Variants in AHI1 observed in about 807,000 individuals in gnomAD.
The protein encoded by AHI1 is Abelson helper integration site 1.
A neutral mutation model predicts 149.3 loss-of-function variants in AHI1; 123 were observed. That is an observed-to-expected ratio of 0.82 (90% confidence interval 0.71 to 0.96). The LOEUF (loss-of-function observed/expected upper bound fraction) is 0.96, where lower values mean the gene tolerates loss of function less well. Ranked by LOEUF, AHI1 falls within the 40% of genes least tolerant of loss-of-function variation. AHI1 has a pLI of 0.00. For synonymous variants in AHI1, 475 were observed against 459.8 expected, an observed-to-expected ratio of 1.03 and a Z score of -0.42; for missense variants, 1,439 against 1,422.7, an observed-to-expected ratio of 1.01 and a Z score of -0.18.
chr6:135,381,502 G>A (rs1302245868), intron 23 of AHI1, among the ~76,000 whole-genome samples: 1 of 152,110 alleles, frequency 6.6e-6, no homozygotes, highest in Non-Finnish European at 1.5e-5. Flanking sequence ...CAGATTTGAA[G>A]AAAGCATACT....
At chr6:135,494,948 T>C (rs1007416963) in intron 3 of AHI1, among the ~76,000 whole-genome samples, 1 of 152,176 alleles carries the variant, frequency 6.6e-6, no homozygotes, top group Admixed American at 6.5e-5. Flanking sequence ...AAGTCACGTG[T>C]GTCAAAGCTG....
intron 13 of AHI1, among the ~76,000 whole-genome samples, chr6:135,444,295 A>T (rs968219581): frequency 6.6e-6 from 1 of 151,962 alleles, no homozygotes; most frequent in Non-Finnish European, 1.5e-5. Flanking sequence ...TATTTTTCTC[A>T]CTCACCCGAA....
At chr6:135,334,264 T>C (rs1007257269) in intron 24 of AHI1, among the ~76,000 whole-genome samples, 6 of 152,174 alleles carry the variant, frequency 3.9e-5, no homozygotes, top group Non-Finnish European at 7.4e-5. Context: ...GATGGGGCCT[T>C]TGGGAGGTGA....
intron 23 of AHI1, among the ~76,000 whole-genome samples, chr6:135,363,613 C>T (rs1199453330): frequency 6.6e-6 from 1 of 151,938 alleles, no homozygotes; most frequent in East Asian, 1.9e-4. Flanking sequence ...CCTCACTTCC[C>T]AGTAGGGGCG....
At chr6:135,368,194 G>A (rs1295419624) in intron 23 of AHI1, among the ~76,000 whole-genome samples, 2 of 152,274 alleles carry the variant, frequency 1.3e-5, no homozygotes, top group South Asian at 2.1e-4. Flanking sequence ...GATGTGATCC[G>A]TCTTCAGGTC....
Position 135,480,918 on chromosome 6 carries a change from T to A in AHI1, c.135+9705A>T, listed in dbSNP as rs148917269. ...CAAGAGACCTAGGTTGCACGTTCCT[T>A]ATGAGAATCTAACTAATACCTGATG... On this transcript the variant is annotated intron_variant, in intron 5 of 28. Coordinates refer to ENST00000265602, the MANE Select transcript of AHI1 (RefSeq NM_001134831.2). 1.8e-3 allele frequency among the ~76,000 whole-genome samples: 272 copies of A among 152,302 alleles called. 1 individual carries two copies. The highest frequency in any genetic ancestry group is 6.2e-3 in the African/African-American group (257 of 41,558).
intron 14 of AHI1, among the ~76,000 whole-genome samples, chr6:135,439,460 G>A (rs978514855): frequency 1.3e-5 from 2 of 152,082 alleles, no homozygotes; most frequent in Non-Finnish European, 2.9e-5. Context: ...TTTACTTAAC[G>A]GTCACAAGGT....
intron 27 of AHI1, among the ~76,000 whole-genome samples, chr6:135,294,698 C>CA (rs56734547): frequency 0.04 from 2,740 of 67,926 alleles, 54 homozygotes; most frequent in African/African-American, 0.048. Context: ...TCTCCAAATG[C>CA]AAAAAAAAAA....
chr6:135,296,358 T>C (rs911176719), intron 27 of AHI1, among the ~76,000 whole-genome samples: 18 of 152,322 alleles, frequency 1.2e-4, no homozygotes, highest in African/African-American at 4.3e-4. Flanking sequence ...TTATCTTAAA[T>C]GTCAGAGGGA....
intron 21 of AHI1, among the ~76,000 whole-genome samples, chr6:135,405,285 G>A (rs1021255753): frequency 2.6e-4 from 40 of 152,230 alleles, no homozygotes; most frequent in African/African-American, 9.1e-4. Context: ...ACTAACAGGT[G>A]TAAAAGACAC....
At chr6:135,380,230 G>A (rs779933522) in intron 23 of AHI1, among the ~76,000 whole-genome samples, 1 of 151,636 alleles carries the variant, frequency 6.6e-6, no homozygotes, top group South Asian at 2.1e-4. Context: ...CTGCATCCAC[G>A]CATTCAACCA....
rs3071751 is a variant in AHI1 at position 135,324,551 on chromosome 6, C to CATATATATAT, written c.3166-1237_3166-1228dup. ...AAAATTACATATATAGTTATATATA[C>CATATATATAT]ATATATATATATATATATATATTTA... On this transcript the variant is annotated intron_variant, in intron 24 of 28. Transcript: ENST00000265602. Among the ~76,000 whole-genome samples, 803 of 144,770 alleles carry CATATATATAT rather than the reference C, an allele frequency of 5.5e-3. 5 individuals carry two copies. The highest frequency in any genetic ancestry group is 0.013 in the African/African-American group (499 of 39,572). The allele number at this position is 144,770 out of a possible 152,430, so 95.0% of individuals were successfully genotyped here. A position where few individuals can be genotyped will look rare whatever the true frequency, so the allele number is the denominator to read the frequency against.
chr6:135,443,104 C>T (rs1165524212), intron 13 of AHI1, among the ~76,000 whole-genome samples: 2 of 152,180 alleles, frequency 1.3e-5, no homozygotes, highest in Admixed American at 6.6e-5. Flanking sequence ...TTTAAGACCA[C>T]AAGTACCTAT....
chr6:135,497,187 C>T lies in AHI1; in HGVS notation c.-140+1G>A, dbSNP rs145372075. The T allele has an allele frequency of 1.3e-5, 2 of 152,198 alleles. No homozygotes were observed. Among genetic ancestry groups the T allele is most frequent in the Admixed American group, 6.5e-5 (1 of 15,274 alleles). The allele number at this position is 152,198 out of a possible 1,614,324, so 9.4% of individuals were successfully genotyped here. Reference sequence around the variant, plus strand: ...TCTTATAAATATAACAAATTGATCACCTTTTCTCAGACATAATTAAGAAGG... The same window carrying T: ...TCTTATAAATATAACAAATTGATCATCTTTTCTCAGACATAATTAAGAAGG... On this transcript the variant is annotated splice_donor_variant, in intron 2 of 28. Transcript: ENST00000265602. LOFTEE classifies it low-confidence loss of function (5UTR_SPLICE).
chr6:135,325,384 A>G (rs1787511149), intron 24 of AHI1, among the ~76,000 whole-genome samples: 1 of 152,164 alleles, frequency 6.6e-6, no homozygotes, highest in South Asian at 2.1e-4. Context: ...CGGAACTTTA[A>G]CTTTTCTCTT....
In AHI1 at chr6:135,323,189, A is replaced by G; in HGVS notation, c.3301T>C (p.Phe1101Leu). 2 of 1,612,192 alleles carry G rather than the reference A, an allele frequency of 1.2e-6. No homozygotes were observed. The highest frequency in any genetic ancestry group is 1.7e-6 in the Non-Finnish European group (2 of 1,178,492). ...TCACTAGCCACATGATTAGCTGGAA[A>G]ATAACCTTCCTGTCCCTTTCCTATG... is the stretch of plus-strand genomic sequence containing the variant. ...GSIGKGQEGY[F>L]PANHVASETL... Residue 1101 changes from phenylalanine to leucine, a missense_variant, in exon 25 of 29, where the codon TTT becomes CTT. Physicochemically the swap from Phe to Leu is conservative, Grantham distance 22. Transcript: ENST00000265602.
At chr6:135,370,362 C>G (rs1774859411) in intron 23 of AHI1, among the ~76,000 whole-genome samples, 1 of 152,210 alleles carries the variant, frequency 6.6e-6, no homozygotes, top group South Asian at 2.1e-4. Flanking sequence ...CTCTGCCTTA[C>G]TCCCAGTTTC....
rs199912377 is a variant in AHI1, at chr6:135,492,889, TA to T, written c.-54-599del. On this transcript the variant is annotated intron_variant, in intron 3 of 28. Coordinates refer to ENST00000265602, the MANE Select transcript of AHI1 (RefSeq NM_001134831.2). ...TATATTACTAAATTGCCCATTTTAT[TA>T]AAAAAATCGGTGTATGTCTAAAATG... 759 of 984,870 alleles carry T rather than the reference TA, an allele frequency of 7.7e-4. 9 individuals carry two copies. The African/African-American group carries it at 0.01, about 13-fold the overall frequency. 61.0% of individuals were successfully genotyped at this position (984,870 alleles called of 1,614,324 possible).
chr6:135,385,919 G>C (rs1777512057), intron 23 of AHI1, among the ~76,000 whole-genome samples: 1 of 152,226 alleles, frequency 6.6e-6, no homozygotes, highest in Non-Finnish European at 1.5e-5. Flanking sequence ...ATAAGTCTGA[G>C]GCTTTAATAT....
Sources: gnomAD v4.1 joint callset for allele counts (sites outside exome capture counted in the v4.1 genomes callset) on GRCh38, gnomAD v4.1.1 for gene constraint, MANE v1.5 for transcripts, NCBI Gene and HGNC (gene_info 2026-07-23, HGNC 2026-07-21) for gene names.